TMEM67: variants seen among roughly 807,000 people sequenced by gnomAD.
TMEM67 encodes transmembrane protein 67.
TMEM67 carries 124 observed loss-of-function variants against 136.6 expected under a neutral mutation model. That is an observed-to-expected ratio of 0.91 (90% CI 0.78 to 1.05). The LOEUF is 1.05. Among genes scored for constraint, TMEM67 ranks in the 50% least tolerant of loss-of-function variants. The pLI, the probability that TMEM67 is intolerant of heterozygous loss-of-function variation, is 0.00. For synonymous variants in TMEM67, 364 were observed against 390.5 expected, an observed-to-expected ratio of 0.93 and a Z score of 0.80; for missense variants, 1,107 against 1,178.4, an observed-to-expected ratio of 0.94 and a Z score of 0.89.
At chr8:93,754,874 G>A (rs1812489688), upstream of TMEM67, 2 of 1,589,544 alleles carry the variant, frequency 1.3e-6, no homozygotes, top group Non-Finnish European at 1.7e-6. Context: ...CGCAGAGGCT[G>A]ATGGGGGGCT....
At chr8:93,763,096 AT>A (rs60721040) in intron 3 of TMEM67, 131,044 of 218,192 alleles carry the variant, frequency 0.6, 34,206 homozygotes, top group East Asian at 0.77. Context: ...CTAATTTTGT[AT>A]TTTTTTTTTT....
At chr8:93,805,438 G>C (rs1251243499) in intron 23 of TMEM67, among the ~76,000 whole-genome samples, 4 of 152,102 alleles carry the variant, frequency 2.6e-5, no homozygotes, top group Non-Finnish European at 4.4e-5. Flanking sequence ...AAAAAAATTA[G>C]CCGGGCATGG....
intron 23 of TMEM67, among the ~76,000 whole-genome samples, chr8:93,805,611 G>A (rs1217348116): frequency 1.3e-5 from 2 of 151,568 alleles, no homozygotes; most frequent in African/African-American, 4.8e-5. Flanking sequence ...AAGTTGCTAG[G>A]GACCAACTCA....
chr8:93,803,826 T>G, intron 22 of TMEM67, 142 bp downstream of exon 22: 1 of 662,000 alleles, frequency 1.5e-6, no homozygotes, highest in Non-Finnish European at 2.8e-6. Context: ...CCAGAGATAA[T>G]TATAATGAGC....
In TMEM67 at chr8:93,765,617, A is replaced by T. The variant is rs137853108; in HGVS notation, c.622A>T (p.Arg208Ter). 480 of 1,613,342 alleles carry T rather than the reference A, an allele frequency of 3.0e-4. No homozygotes were observed. The highest frequency in any genetic ancestry group is 4.0e-4 in the Non-Finnish European group (466 of 1,179,372). The change falls in exon 6 of 28, where the codon AGA (arginine) becomes TGA (stop). Residue 208 changes from arginine (R) to a stop codon, truncating the protein, a stop_gained. Coordinates refer to ENST00000453321, the MANE Select transcript of TMEM67 (RefSeq NM_153704.6). LOFTEE classifies it high-confidence loss of function. ...CAGCACAGGGAATTTTCCTCTACGT[A>T]GAATTTCAGCTGCACGTTATGGAGA... ...FSSTGNFPLR[R>*]ISAARYGEVG...
At chr8:93,774,272 C>G (rs957983256) in intron 7 of TMEM67, among the ~76,000 whole-genome samples, 2 of 152,140 alleles carry the variant, frequency 1.3e-5, no homozygotes, top group East Asian at 3.9e-4. Context: ...GCCTTGACCT[C>G]GCAAAGTGCT....
At position 93,816,875 on chromosome 8, in the gene TMEM67, G is replaced by A. The variant is rs2130803845; in HGVS notation, c.*423G>A. The A allele has an allele frequency of 6.5e-6, 1 of 152,926 alleles. No homozygotes were observed. Among genetic ancestry groups the A allele is most frequent in the Admixed American group, 6.5e-5 (1 of 15,342 alleles). The allele number at this position is 152,926 out of a possible 1,614,324, so 9.5% of individuals were successfully genotyped here. On this transcript the variant is annotated 3_prime_UTR_variant, in exon 28 of 28. Coordinates refer to ENST00000453321, the MANE Select transcript of TMEM67 (RefSeq NM_153704.6). Reference sequence around the variant, plus strand: ...TTTCAGTTTGATATTTTCATGTTTTGTGTGCTTATGGTTAAATAAATGTTG... The same window carrying A: ...TTTCAGTTTGATATTTTCATGTTTTATGTGCTTATGGTTAAATAAATGTTG...
At chr8:93,773,364 A>T (rs1382289492) in intron 7 of TMEM67, among the ~76,000 whole-genome samples, 1 of 152,058 alleles carries the variant, frequency 6.6e-6, no homozygotes, top group African/African-American at 2.4e-5. Flanking sequence ...TTTAAGGGAG[A>T]TAGGAGGATT....
intron 8 of TMEM67, 31 bp downstream of exon 8, chr8:93,780,778 T>G (rs1240967142): frequency 6.2e-7 from 1 of 1,612,590 alleles, no homozygotes; most frequent in Non-Finnish European, 8.5e-7. Flanking sequence ...GAAATGTTAT[T>G]TTGACTGAAT....
intron 3 of TMEM67, among the ~76,000 whole-genome samples, chr8:93,761,590 G>T (rs1448049106): frequency 2.6e-5 from 4 of 152,244 alleles, no homozygotes; most frequent in Middle Eastern, 3.4e-3. Flanking sequence ...ATTCTATCAA[G>T]ATGAGATCAA....
Position 93,782,444 on chromosome 8 carries a change from C to A in TMEM67, c.1115C>A (p.Thr372Lys), listed in dbSNP as rs863225235. The change falls in exon 11 of 28, where the codon ACA (threonine) becomes AAA (lysine). Residue 372 changes from threonine to lysine, a missense_variant. This residue lies in a region of TMEM67 where 925 missense variants were observed against 1,002.4 expected (regional missense o/e 0.92). Transcript: ENST00000453321. ...TRLNAAYSFGTTYQQNCEIPI... is the reference protein window; with the variant it reads ...TRLNAAYSFGKTYQQNCEIPI... Reference sequence around the variant, plus strand: ...CTAAATGCTGCTTATTCATTTGGAACAACCTACCAACAAAATGTAAGTTTG... The same window carrying A: ...CTAAATGCTGCTTATTCATTTGGAAAAACCTACCAACAAAATGTAAGTTTG... 4.3e-6 allele frequency: 7 copies of A among 1,612,300 alleles called. No individual in the cohort carries two copies. The highest frequency in any genetic ancestry group is 5.9e-6 in the Non-Finnish European group (7 of 1,179,328).
rs2130799481 is a variant in TMEM67 at position 93,815,306 on chromosome 8, TGAA to T, written c.2768_2770del (p.Glu923del). The T allele has an allele frequency of 1.3e-6, 2 of 1,547,652 alleles. No homozygotes were observed. The highest frequency in any genetic ancestry group is 1.2e-5 in the South Asian group (1 of 82,302). On this transcript the variant is annotated inframe_deletion and splice_region_variant, in exon 27 of 28. Coordinates refer to ENST00000453321, the MANE Select transcript of TMEM67 (RefSeq NM_153704.6). Reference sequence around the variant, plus strand: ...ATATTTTCTAAATTTTTTTAATAGATGAAGGTTATTCTTTCAGCAGTGTCCTGT... The same window carrying T: ...ATATTTTCTAAATTTTTTTAATAGATGGTTATTCTTTCAGCAGTGTCCTGT...
Position 93,758,552 on chromosome 8 carries a change from C to T in TMEM67, c.382C>T (p.His128Tyr). Reference sequence around the variant, plus strand: ...TGACTTAACTGCCGAAGGAAAATGTCACTGTCCCATTGGCCATATTTTAGG... The same window carrying T: ...TGACTTAACTGCCGAAGGAAAATGTTACTGTCCCATTGGCCATATTTTAGG... ...PSDLTAEGKC[H>Y]CPIGHILVER... Residue 128 changes from histidine to tyrosine, a missense_variant, in exon 3 of 28, where the codon CAC becomes TAC. Physicochemically the swap from His to Tyr is moderately conservative, Grantham distance 83. Transcript: ENST00000453321. 6.2e-7 allele frequency: 1 copy of T among 1,613,752 alleles called. No homozygotes were observed. The highest frequency in any genetic ancestry group is 8.5e-7 in the Non-Finnish European group (1 of 1,179,716).
In TMEM67 at chr8:93,816,774, G is replaced by C. The variant is rs1808926634; in HGVS notation, c.*322G>C. The C allele has an allele frequency of 6.1e-6, 1 of 165,130 alleles. No homozygotes were observed. The highest frequency in any genetic ancestry group is 2.0e-4 in the South Asian group (1 of 5,116). The allele number at this position is 165,130 out of a possible 1,614,324, so 10.2% of individuals were successfully genotyped here. On this transcript the variant is annotated 3_prime_UTR_variant, in exon 28 of 28. Coordinates refer to ENST00000453321, the MANE Select transcript of TMEM67 (RefSeq NM_153704.6). ...ACAGTCCCCATCATTTGTCTCTGTA[G>C]ATTATTTTATAAACTGAGAGCTGCC...
rs770748288 is a variant in TMEM67 at position 93,809,939 on chromosome 8, A to G, written c.2764+52A>G. Reference sequence around the variant, plus strand: ...TTGATAACTGTTTTCAAAGTTTGAGAAAAAAGTGCTTGTAGATATTTTTCT... The same window carrying G: ...TTGATAACTGTTTTCAAAGTTTGAGGAAAAAGTGCTTGTAGATATTTTTCT... On this transcript the variant is annotated intron_variant, in intron 26 of 27. Transcript: ENST00000453321. 7 of 1,189,544 alleles carry G rather than the reference A, an allele frequency of 5.9e-6. No individual in the cohort carries two copies. In the African/African-American group the frequency reaches 7.7e-5, roughly 13 times the overall value. The allele number at this position is 1,189,544 out of a possible 1,614,324, so 73.7% of individuals were successfully genotyped here.
At chr8:93,826,506 A>T in the TMEM67 span, among the ~76,000 whole-genome samples, 184 of 152,248 alleles carry the variant, frequency 1.2e-3, no homozygotes, top group African/African-American at 4.1e-3. Flanking sequence ...TCCTCCTCCC[A>T]AAAGAAATGG....
rs1287402528 is a variant in TMEM67 at position 93,755,123 on chromosome 8, G to A, written c.209G>A (p.Arg70Lys). 1.2e-6 allele frequency: 2 copies of A among 1,614,152 alleles called. No individual in the cohort carries two copies. Among genetic ancestry groups the A allele is most frequent in the African/African-American group, 1.3e-5 (1 of 75,034 alleles). The change falls in exon 1 of 28, where the codon AGG (arginine) becomes AAG (lysine). Residue 70 changes from arginine to lysine, a missense_variant. Coordinates refer to ENST00000453321, the MANE Select transcript of TMEM67 (RefSeq NM_153704.6). ...LSCVPCGANQRQDARGTSCVC... is the reference protein window; with the variant it reads ...LSCVPCGANQKQDARGTSCVC... ...TGTGTTCCTTGTGGAGCTAACCAGA[G>A]GCAAGATGCCCGAGGTAAGACGGTT... is the stretch of plus-strand genomic sequence containing the variant.
intron 15 of TMEM67, among the ~76,000 whole-genome samples, chr8:93,792,800 T>G (rs1215721299): frequency 1.4e-5 from 2 of 147,430 alleles, no homozygotes; most frequent in African/African-American, 2.5e-5. Flanking sequence ...AGATGGAGTC[T>G]CACTCTGTCG....
intron 3 of TMEM67, chr8:93,759,066 C>G (rs1170601483): frequency 1.3e-5 from 2 of 152,330 alleles, no homozygotes; most frequent in Non-Finnish European, 2.9e-5. Flanking sequence ...TGTCTCAACT[C>G]AAAAGCCAAC....
Sources: allele counts gnomAD v4.1 joint callset (sites outside exome capture counted in the v4.1 genomes callset), GRCh38; gene constraint gnomAD v4.1.1; regional missense constraint gnomAD v4.1.1; transcripts MANE v1.5; gene names NCBI Gene and HGNC (gene_info 2026-07-23, HGNC 2026-07-21).